SHC1: variants seen among roughly 807,000 people sequenced by gnomAD.
The protein encoded by SHC1 is SHC adaptor protein 1.
Under a neutral mutation model 55.9 loss-of-function variants are expected in SHC1, and 30 were observed. The ratio of observed to expected loss-of-function variants is 0.54; its 90% CI spans 0.40 to 0.73. SHC1 has a LOEUF of 0.73. Among genes scored for constraint, SHC1 ranks in the 30% least tolerant of loss-of-function variants. The pLI is 0.00. For synonymous variants in SHC1, 309 were observed against 306.1 expected (o/e 1.01, Z -0.10); for missense variants, 675 against 777.1 (o/e 0.87, Z 1.56).
chr1:154,973,016 C>T (rs1656890756), upstream of SHC1, among the ~76,000 whole-genome samples: 2 of 152,190 alleles, frequency 1.3e-5, no homozygotes, highest in Admixed American at 6.5e-5. Context: ...GTCACACCCA[C>T]ATGCCACACA....
chr1:154,964,918 T>C (rs1655747323), intron 11 of SHC1, among the ~76,000 whole-genome samples: 1 of 152,208 alleles, frequency 6.6e-6, no homozygotes. Flanking sequence ...ACATTGGGCA[T>C]CACAACCTCT....
intron 11 of SHC1, chr1:154,964,235 G>C: frequency 2.0e-6 from 1 of 501,712 alleles, no homozygotes; most frequent in Non-Finnish European, 4.0e-6. Context: ...AGTATACACA[G>C]TGCAAAAAAA....
chr1:154,971,398 C>A (rs1377162733), upstream of SHC1, among the ~76,000 whole-genome samples: 1 of 152,210 alleles, frequency 6.6e-6, no homozygotes, highest in African/African-American at 2.4e-5. Context: ...AAAGTTCAAC[C>A]TGGATGATAC....
Position 154,968,046 on chromosome 1 carries a change from C to T in SHC1, c.805-15G>A, listed in dbSNP as rs753437194. 6 of 1,614,044 alleles carry T rather than the reference C, an allele frequency of 3.7e-6. No homozygotes were observed. The African/African-American group carries it at 4.0e-5, about 11-fold the overall frequency. ...TCGGCTGTGTCCTGGGGAGGAAGGT[C>T]AAAAAATTTTACAGTTCTACTTTAC... On this transcript the variant is annotated splice_polypyrimidine_tract_variant and intron_variant, in intron 5 of 11. Transcript: ENST00000448116.
rs1413508886 is a variant in SHC1, at chr1:154,963,825, T to TGCTGTAGACACAGTTC, written c.1717_1732dup (p.Gln578ArgfsTer33). 6.2e-7 allele frequency: 1 copy of TGCTGTAGACACAGTTC among 1,613,996 alleles called. No homozygotes were observed. The highest frequency in any genetic ancestry group is 8.5e-7 in the Non-Finnish European group (1 of 1,180,022). On this transcript the variant is annotated frameshift_variant, in exon 12 of 12. Transcript: ENST00000448116. LOFTEE classifies it high-confidence loss of function. Reference sequence around the variant, plus strand: ...AGATCACAGTTTCCGCTCCACAGGTTGCTGTAGACACAGTTCGCTGCCCGC... The same window carrying TGCTGTAGACACAGTTC: ...AGATCACAGTTTCCGCTCCACAGGTTGCTGTAGACACAGTTCGCTGTAGACACAGTTCGCTGCCCGC...
chr1:154,963,912 C>T lies in SHC1; in HGVS notation c.1646G>A (p.Arg549His), dbSNP rs767136933. Residue 549 changes from arginine (R) to histidine (H), a missense_variant, in exon 12 of 12, where the codon CGC becomes CAC. Physicochemically the swap from Arg to His is conservative, Grantham distance 29. Transcript: ENST00000448116. ...GATAAGGTGACTGACACTTTCAAAG[C>T]GGTGATCCTTAGTCCGAACCTGGGA... ...PEGVVRTKDHRFESVSHLISY... is the reference protein window; with the variant it reads ...PEGVVRTKDHHFESVSHLISY... The T allele has an allele frequency of 1.8e-5, 29 of 1,614,030 alleles. No homozygotes were observed. In the Admixed American group the frequency reaches 2.3e-4, roughly 13 times the overall value.
In SHC1 at chr1:154,962,317, A is replaced by T. The variant is rs1386342515; in HGVS notation, c.*1486T>A. On this transcript the variant is annotated 3_prime_UTR_variant, in exon 12 of 12. Coordinates refer to ENST00000448116, the MANE Select transcript of SHC1 (RefSeq NM_001130040.2). ...CAGAGGTAGAAGAAATACGGACTTT[A>T]ATGAAGAGTTTTCCCTTTGGTATAA... 1 of 152,794 alleles carries T rather than the reference A, an allele frequency of 6.5e-6. No individual in the cohort carries two copies. Among genetic ancestry groups the T allele is most frequent in the African/African-American group, 2.4e-5 (1 of 41,456 alleles). The allele number at this position is 152,794 out of a possible 1,614,324, so 9.5% of individuals were successfully genotyped here.
At chr1:154,972,356 T>C (rs942828052), upstream of SHC1, among the ~76,000 whole-genome samples, 9 of 152,186 alleles carry the variant, frequency 5.9e-5, no homozygotes, top group African/African-American at 2.2e-4. Context: ...ACATTAACAC[T>C]TGAAGTGTGT....
intron 5 of SHC1, 25 bp downstream of exon 5, chr1:154,968,179 G>A (rs200764750): frequency 1.1e-4 from 179 of 1,611,524 alleles, no homozygotes; most frequent in African/African-American, 1.1e-3. Flanking sequence ...TTCTCCCACC[G>A]CCTTTGCTCT....
chr1:154,972,245 CAA>C (rs796192783), upstream of SHC1, among the ~76,000 whole-genome samples: 5 of 130,898 alleles, frequency 3.8e-5, no homozygotes, highest in Non-Finnish European at 3.3e-5. Flanking sequence ...AACTCCGTCT[CAA>C]AAAAAAAAAA....
chr1:154,963,964 G>A, intron 11 of SHC1, 33 bp from the exon 12 acceptor site: 2 of 1,612,810 alleles, frequency 1.2e-6, no homozygotes, highest in South Asian at 2.2e-5. Flanking sequence ...GGTCAATTCA[G>A]GTGAAGAGTC....
intron 4 of SHC1, 35 bp downstream of exon 4, chr1:154,968,460 C>G (rs1409588570): frequency 6.2e-7 from 1 of 1,613,430 alleles, no homozygotes; most frequent in Non-Finnish European, 8.5e-7. Flanking sequence ...GCACCCCCAT[C>G]AGTGTTTCTG....
upstream of SHC1, among the ~76,000 whole-genome samples, chr1:154,972,096 A>C (rs1431527324): frequency 1.3e-5 from 2 of 152,070 alleles, no homozygotes; most frequent in Admixed American, 6.5e-5. Flanking sequence ...AAAAATACAA[A>C]AATTAGCTGG....
In SHC1 at chr1:154,963,835, A is replaced by G. The variant is rs907020411; in HGVS notation, c.1723T>C (p.Cys575Arg). Reference protein sequence around the residue: ...LPIISAGSELCLQQPVERKL With the variant: ...LPIISAGSELRLQQPVERKL The stretch of plus-strand genomic sequence containing the variant: ...TTCCGCTCCACAGGTTGCTGTAGAC[A>G]CAGTTCGCTGCCCGCAGAGATGATG... The change falls in exon 12 of 12, where the codon TGT becomes CGT. Residue 575 changes from cysteine (C) to arginine (R), a missense_variant. Coordinates refer to ENST00000448116, the MANE Select transcript of SHC1 (RefSeq NM_001130040.2). The G allele has an allele frequency of 6.2e-7, 1 of 1,614,194 alleles. No individual in the cohort carries two copies. Among genetic ancestry groups the G allele is most frequent in the Non-Finnish European group, 8.5e-7 (1 of 1,180,022 alleles).
intron 2 of SHC1, 96 bp downstream of exon 2, chr1:154,969,282 C>T (rs1020057915): frequency 3.7e-6 from 3 of 805,656 alleles, no homozygotes; most frequent in South Asian, 1.5e-5. Flanking sequence ...AAAGATCAGC[C>T]CCCAGCAGCA....
rs11264292 is a variant in SHC1 at position 154,966,544 on chromosome 1, G to T, written c.984-27C>A. The T allele has an allele frequency of 9.9e-5, 147 of 1,490,254 alleles. No individual in the cohort carries two copies. The African/African-American group carries it at 1.7e-3, about 17-fold the overall frequency. The allele number at this position is 1,490,254 out of a possible 1,614,324, so 92.3% of individuals were successfully genotyped here. ...TGAGGGACAGGACAGTGAAGCTGTG[G>T]CTGTAAATGTGTGGTGGGCAGGAGG... On this transcript the variant is annotated intron_variant, in intron 7 of 11. Coordinates refer to ENST00000448116, the MANE Select transcript of SHC1 (RefSeq NM_001130040.2).
chr1:154,973,145 T>C (rs1656903798), upstream of SHC1: 1 of 152,154 alleles, frequency 6.6e-6, no homozygotes, highest in African/African-American at 2.4e-5. Context: ...AGGGCAAGTC[T>C]CTCTCTCCCT....
chr1:154,968,241 T>C lies in SHC1; in HGVS notation c.767A>G (p.His256Arg), dbSNP rs1158879777. Residue 256 changes from histidine to arginine, a missense_variant, in exon 5 of 12, where the codon CAC (histidine) becomes CGC (arginine). This residue lies in a region of SHC1 where 159 missense variants were observed against 246.9 expected (regional missense o/e 0.64). Coordinates refer to ENST00000448116, the MANE Select transcript of SHC1 (RefSeq NM_001130040.2). ...GGATGCAAATGAGATAGATTGCATG[T>C]GGTGGTTGGCGATGATCTGAGAATT... ...ADCKQIIANH[H>R]MQSISFASGG... 1 of 1,613,962 alleles carries C rather than the reference T, an allele frequency of 6.2e-7. No individual in the cohort carries two copies. Among genetic ancestry groups the C allele is most frequent in the Non-Finnish European group, 8.5e-7 (1 of 1,179,988 alleles).
chr1:154,969,318 T>G, intron 2 of SHC1, 60 bp downstream of exon 2: 1 of 1,196,598 alleles, frequency 8.4e-7, no homozygotes, highest in East Asian at 2.5e-5. Flanking sequence ...ACTCCCCTCC[T>G]CTGTTTCCCA....
Sources: allele counts gnomAD v4.1 joint callset (sites outside exome capture counted in the v4.1 genomes callset), GRCh38; gene constraint gnomAD v4.1.1; regional missense constraint gnomAD v4.1.1; transcripts MANE v1.5; gene names NCBI Gene and HGNC (gene_info 2026-07-23, HGNC 2026-07-21).